Variants in UBASH3B observed in about 807,000 individuals in gnomAD.
UBASH3B encodes ubiquitin-associated and SH3 domain-containing protein B.
A neutral mutation model predicts 83.4 loss-of-function variants in UBASH3B; 37 were observed. The observed-to-expected ratio is 0.44, with a 90% CI of 0.34 to 0.58. UBASH3B has a LOEUF of 0.58. Among genes scored for constraint, UBASH3B ranks in the 20% least tolerant of loss-of-function variants. The probability of loss-of-function intolerance (pLI) is 0.01; values close to 1 mark genes in which losing one functional copy is unlikely to be tolerated. For missense variants in UBASH3B, 657 were observed against 827.2 expected (o/e 0.79, Z 2.52); for synonymous variants, 304 against 318.3 (o/e 0.96, Z 0.48).
intron 1 of UBASH3B, among the ~76,000 whole-genome samples, chr11:122,707,149 A>AC: frequency 6.6e-6 from 1 of 151,448 alleles, no homozygotes; most frequent in East Asian, 1.9e-4. Flanking sequence ...CACACAATCC[A>AC]CCCCCGCCTA....
chr11:122,680,380 G>C (rs879559850), intron 1 of UBASH3B, among the ~76,000 whole-genome samples: 5 of 152,232 alleles, frequency 3.3e-5, no homozygotes, highest in South Asian at 2.1e-4. Flanking sequence ...ACTCAGAGTG[G>C]GACAGTGACT....
chr11:122,756,572 A>G (rs760961748), intron 1 of UBASH3B, among the ~76,000 whole-genome samples: 1 of 152,116 alleles, frequency 6.6e-6, no homozygotes, highest in Non-Finnish European at 1.5e-5. Flanking sequence ...TCTAGCTTCT[A>G]TCAAAGGCTG....
intron 1 of UBASH3B, among the ~76,000 whole-genome samples, chr11:122,756,649 G>A (rs1861287588): frequency 1.3e-5 from 2 of 152,178 alleles, no homozygotes; most frequent in African/African-American, 4.8e-5. Flanking sequence ...GTCAAAGGAG[G>A]AAGTTAGACC....
At chr11:122,754,973 C>T (rs527826499) in intron 1 of UBASH3B, among the ~76,000 whole-genome samples, 18 of 152,152 alleles carry the variant, frequency 1.2e-4, no homozygotes, top group Non-Finnish European at 2.5e-4. Flanking sequence ...AGAAGGCTCA[C>T]GTTGGAGCGG....
At chr11:122,801,718 T>C (rs563787018) in intron 11 of UBASH3B, among the ~76,000 whole-genome samples, 2 of 152,352 alleles carry the variant, frequency 1.3e-5, no homozygotes, top group Admixed American at 1.3e-4. Context: ...TTTCAAAGCA[T>C]TTTTAAATCT....
rs1863362032 is a variant in UBASH3B at position 122,656,298 on chromosome 11, G to A, written c.161+88G>A. 3.2e-6 allele frequency: 4 copies of A among 1,234,814 alleles called. No homozygotes were observed. In the South Asian group the frequency reaches 8.0e-5, roughly 25 times the overall value. 76.5% of individuals were successfully genotyped at this position (1,234,814 alleles called of 1,614,324 possible). ...CGCTCCGGCTCGCCTCCCAGCGCCT[G>A]CGGGACAGGCAGCGCGCTCCCCGCT... On this transcript the variant is annotated intron_variant, in intron 1 of 13. Coordinates refer to ENST00000284273, the MANE Select transcript of UBASH3B (RefSeq NM_032873.5).
chr11:122,794,653 G>C, intron 6 of UBASH3B, 49 bp from the exon 7 acceptor site: 2 of 1,611,784 alleles, frequency 1.2e-6, no homozygotes, highest in Non-Finnish European at 1.7e-6. Context: ...AGGAAGTGCT[G>C]ATGACTGCTG....
chr11:122,693,990 G>A (rs1036315578), intron 1 of UBASH3B, among the ~76,000 whole-genome samples: 3 of 152,214 alleles, frequency 2.0e-5, no homozygotes, highest in African/African-American at 7.2e-5. Context: ...TGAAGCTCTG[G>A]GGATGCAACG....
Position 122,683,395 on chromosome 11 carries a change from G to C in UBASH3B, c.161+27185G>C, listed in dbSNP as rs145819834. On this transcript the variant is annotated intron_variant, in intron 1 of 13. Coordinates refer to ENST00000284273, the MANE Select transcript of UBASH3B (RefSeq NM_032873.5). ...TGTGGGAGGCCAAGGCGGGCAGATC[G>C]CTTGAGGTCAGGAGTTGGAGACCAT... Among the ~76,000 whole-genome samples the C allele has an allele frequency of 1.3e-3, 200 of 151,960 alleles. 1 individual carries two copies. The highest frequency in any genetic ancestry group is 4.4e-3 in the African/African-American group (184 of 41,450).
chr11:122,682,687 G>C (rs1255867298), intron 1 of UBASH3B, among the ~76,000 whole-genome samples: 1 of 152,106 alleles, frequency 6.6e-6, no homozygotes, highest in Non-Finnish European at 1.5e-5. Context: ...CCAGCTCTGG[G>C]CTGCCTGTAG....
chr11:122,799,462 G>A (rs1861213251), intron 10 of UBASH3B, among the ~76,000 whole-genome samples: 1 of 151,068 alleles, frequency 6.6e-6, no homozygotes, highest in South Asian at 2.1e-4. Flanking sequence ...ACTCCAGCCT[G>A]GGCAACAAAA....
chr11:122,685,572 A>C (rs1277394623), intron 1 of UBASH3B, among the ~76,000 whole-genome samples: 1 of 152,142 alleles, frequency 6.6e-6, no homozygotes, highest in East Asian at 1.9e-4. Flanking sequence ...GCTGAAGTGC[A>C]GTGGTGTGAT....
chr11:122,656,808 G>A (rs1863370915), intron 1 of UBASH3B, among the ~76,000 whole-genome samples: 1 of 152,246 alleles, frequency 6.6e-6, no homozygotes, highest in Non-Finnish European at 1.5e-5. Context: ...AGAAGGAGAA[G>A]CGATCCCTCC....
At chr11:122,717,921 TTTCGGACAAGTCTCAC>T (rs1860553185) in intron 1 of UBASH3B, among the ~76,000 whole-genome samples, 1 of 151,682 alleles carries the variant, frequency 6.6e-6, no homozygotes, top group Non-Finnish European at 1.5e-5. Context: ...TTTTTTTTTT[TTTCGGACAAGTCTCAC>T]TCTGTCACCA....
At chr11:122,801,374 G>A in intron 11 of UBASH3B, 42 bp downstream of exon 11, 1 of 1,605,896 alleles carries the variant, frequency 6.2e-7, no homozygotes, top group South Asian at 1.1e-5. Flanking sequence ...CAGTGTGGAA[G>A]TGCTTTCTGC....
chr11:122,657,702 C>T (rs144885717), intron 1 of UBASH3B, among the ~76,000 whole-genome samples: 1 of 152,278 alleles, frequency 6.6e-6, no homozygotes, highest in East Asian at 1.9e-4. Context: ...GTTGGAGTGG[C>T]CTTAGAAGGC....
At chr11:122,683,586 C>G (rs972737387) in intron 1 of UBASH3B, among the ~76,000 whole-genome samples, 1 of 135,540 alleles carries the variant, frequency 7.4e-6, no homozygotes, top group Non-Finnish European at 1.6e-5. Flanking sequence ...GCCTGGGGGA[C>G]AGAGCGAGAC....
intron 1 of UBASH3B, among the ~76,000 whole-genome samples, chr11:122,709,961 G>T (rs975787981): frequency 6.6e-6 from 1 of 151,904 alleles, no homozygotes; most frequent in Non-Finnish European, 1.5e-5. Context: ...GTTCGAGACC[G>T]CCTGGCCAAC....
chr11:122,660,504 A>G (rs2135889111), intron 1 of UBASH3B, among the ~76,000 whole-genome samples: 1 of 152,232 alleles, frequency 6.6e-6, no homozygotes, highest in Non-Finnish European at 1.5e-5. Flanking sequence ...GGAAGAGGAG[A>G]CCTCACAGGC....
Sources: gnomAD v4.1 joint callset for allele counts (sites outside exome capture counted in the v4.1 genomes callset) on GRCh38, gnomAD v4.1.1 for gene constraint, MANE v1.5 for transcripts, NCBI Gene and HGNC (gene_info 2026-07-23, HGNC 2026-07-21) for gene names.